The following CFAP141 variants were observed in gnomAD, a reference collection of about 807,000 sequenced individuals.
CFAP141 encodes the protein cilia- and flagella-associated protein 141.
At chr1:154,199,442 A>C in the CFAP141 span, 4 of 1,611,138 alleles carry the variant, frequency 2.5e-6, no homozygotes, top group East Asian at 4.5e-5. Flanking sequence ...ATCTCTCTAC[A>C]TAAAAAGCTT....
At chr1:154,201,657 G>C in the CFAP141 span, among the ~76,000 whole-genome samples, 1 of 152,054 alleles carries the variant, frequency 6.6e-6, no homozygotes, top group African/African-American at 2.4e-5. Context: ...CAAAGTGCTG[G>C]GATTACAGGT....
the CFAP141 span, among the ~76,000 whole-genome samples, chr1:154,205,949 C>T: frequency 5.3e-5 from 8 of 152,184 alleles, no homozygotes; most frequent in East Asian, 1.4e-3. Flanking sequence ...GTGATCCGCC[C>T]ACCTCAGCCT....
chr1:154,205,808 G>A, the CFAP141 span, among the ~76,000 whole-genome samples: 1 of 151,806 alleles, frequency 6.6e-6, no homozygotes, highest in Admixed American at 6.6e-5. Flanking sequence ...GGGTTCAAGC[G>A]ATTCTCCTGC....
At chr1:154,201,866 G>T in the CFAP141 span, among the ~76,000 whole-genome samples, 1 of 151,928 alleles carries the variant, frequency 6.6e-6, no homozygotes, top group Admixed American at 6.6e-5. Flanking sequence ...TGCCTCCCAG[G>T]TTCAAGCAAT....
At chr1:154,206,244 C>T in the CFAP141 span, 11 of 1,610,864 alleles carry the variant, frequency 6.8e-6, no homozygotes, top group Non-Finnish European at 9.3e-6. Flanking sequence ...CATCAAACTT[C>T]AACCCAGCCC....
the CFAP141 span, among the ~76,000 whole-genome samples, chr1:154,203,556 A>G: frequency 6.6e-6 from 1 of 151,828 alleles, no homozygotes. Context: ...AGCTGTCTAA[A>G]TAGCCAGGAC....
chr1:154,200,240 A>C, the CFAP141 span, among the ~76,000 whole-genome samples: 1 of 152,250 alleles, frequency 6.6e-6, no homozygotes, highest in East Asian at 1.9e-4. Flanking sequence ...TTGGGACTTT[A>C]ACATGTGCCT....
At chr1:154,202,796 G>A in the CFAP141 span, among the ~76,000 whole-genome samples, 2 of 148,378 alleles carry the variant, frequency 1.3e-5, no homozygotes, top group East Asian at 2.0e-4. Flanking sequence ...GCAAGACTCC[G>A]TCCCAAGGAA....
At chr1:154,201,810 G>A in the CFAP141 span, among the ~76,000 whole-genome samples, 3 of 151,196 alleles carry the variant, frequency 2.0e-5, no homozygotes, top group Admixed American at 2.0e-4. Flanking sequence ...TCGCTCAGTC[G>A]CCCAGGCCAG....
At chr1:154,206,214 G>C in the CFAP141 span, 1 of 1,495,058 alleles carries the variant, frequency 6.7e-7, no homozygotes, top group Non-Finnish European at 9.3e-7. Context: ...TGCACTTATA[G>C]TAAATTGATC....
At chr1:154,204,246 T>C in the CFAP141 span, among the ~76,000 whole-genome samples, 1 of 152,218 alleles carries the variant, frequency 6.6e-6, no homozygotes, top group Non-Finnish European at 1.5e-5. Context: ...ATAGATTTTA[T>C]CAAACTGCCT....
chr1:154,200,122 G>A, the CFAP141 span, among the ~76,000 whole-genome samples: 29 of 152,244 alleles, frequency 1.9e-4, no homozygotes, highest in African/African-American at 5.5e-4. Flanking sequence ...CGATCTGCCC[G>A]TCTTGGCCCC....
chr1:154,200,465 T>C, the CFAP141 span: 2 of 1,614,042 alleles, frequency 1.2e-6, no homozygotes, highest in African/African-American at 2.7e-5. Flanking sequence ...TCACCATTAG[T>C]AGTTGCTTTT....
the CFAP141 span, among the ~76,000 whole-genome samples, chr1:154,202,645 A>G: frequency 6.6e-6 from 1 of 151,416 alleles, no homozygotes; most frequent in Non-Finnish European, 1.5e-5. Context: ...CTAAAAATAT[A>G]AAAAAATTAG....
At chr1:154,200,523 G>A in the CFAP141 span, 2 of 1,614,142 alleles carry the variant, frequency 1.2e-6, no homozygotes, top group Middle Eastern at 3.3e-4. Flanking sequence ...CCTTAGGGTG[G>A]CATACGGGTT....
At chr1:154,203,859 G>A in the CFAP141 span, among the ~76,000 whole-genome samples, 1 of 152,144 alleles carries the variant, frequency 6.6e-6, no homozygotes, top group Non-Finnish European at 1.5e-5. Flanking sequence ...CCGATTACTT[G>A]AGGTCAGGGG....
the CFAP141 span, among the ~76,000 whole-genome samples, chr1:154,204,368 C>A: frequency 7.9e-4 from 120 of 152,234 alleles, 3 homozygotes; most frequent in South Asian, 0.023. Flanking sequence ...AAAAAGGCTT[C>A]TCCTATCCCA....
the CFAP141 span, chr1:154,199,436 C>G: frequency 6.2e-7 from 1 of 1,607,530 alleles, no homozygotes; most frequent in South Asian, 1.1e-5. Context: ...ATCAGAATCT[C>G]TCTACATAAA....
At chr1:154,202,802 A>C in the CFAP141 span, among the ~76,000 whole-genome samples, 5 of 149,326 alleles carry the variant, frequency 3.3e-5, no homozygotes, top group African/African-American at 1.2e-4. Context: ...CTCCGTCCCA[A>C]GGAAAAAAAA....
Sources: gnomAD v4.1 joint callset for allele counts (sites outside exome capture counted in the v4.1 genomes callset) on GRCh38, gnomAD v4.1.1 for gene constraint, MANE v1.5 for transcripts, NCBI Gene and HGNC (gene_info 2026-07-23, HGNC 2026-07-21) for gene names.